IGHMBP2: variants seen among roughly 807,000 people sequenced by gnomAD.
The protein encoded by IGHMBP2 is DNA-binding protein SMUBP-2.
In IGHMBP2, 81 loss-of-function variants were observed where a neutral mutation model predicts 96.0. The observed-to-expected ratio is 0.84, with a 90% CI of 0.71 to 1.01. The LOEUF is 1.01. Among genes scored for constraint, IGHMBP2 ranks in the 50% least tolerant of loss-of-function variants. The pLI is 0.00. For missense variants in IGHMBP2, 1,227 were observed against 1,306.3 expected, an observed-to-expected ratio of 0.94 and a Z score of 0.94; for synonymous variants, 557 against 548.9, an observed-to-expected ratio of 1.01 and a Z score of -0.21.
In IGHMBP2 at chr11:68,917,770, A is replaced by G. The variant is rs1323805346; in HGVS notation, c.947A>G (p.Lys316Arg). Residue 316 changes from lysine to arginine, a missense_variant, in exon 7 of 15, where the codon AAA becomes AGA. Physicochemically the swap from Lys to Arg is conservative, Grantham distance 26 (BLOSUM62 2). This residue lies in a region of IGHMBP2 where 507 missense variants were observed against 496.9 expected (regional missense o/e 1.02). Transcript: ENST00000255078. ...KNKKTQDKRE[K>R]SNFRNEIKLL... Reference sequence around the variant, plus strand: ...AAAAAGACCCAGGATAAGAGAGAGAAAAGTAATTTTCGAAATGAAATTAAG... The same window carrying G: ...AAAAAGACCCAGGATAAGAGAGAGAGAAGTAATTTTCGAAATGAAATTAAG... The G allele has an allele frequency of 3.1e-6, 5 of 1,613,188 alleles. No homozygotes were observed. Among genetic ancestry groups the G allele is most frequent in the Non-Finnish European group, 4.2e-6 (5 of 1,179,280 alleles).
At chr11:68,930,606 T>G (rs1040745851) in intron 8 of IGHMBP2, 2 of 821,460 alleles carry the variant, frequency 2.4e-6, no homozygotes, top group Non-Finnish European at 2.9e-6. Flanking sequence ...ATCTCTGGGG[T>G]GTTGATTTTT....
intron 8 of IGHMBP2, chr11:68,930,513 GA>G (rs1361658897): frequency 1.6e-6 from 2 of 1,267,810 alleles, no homozygotes; most frequent in Non-Finnish European, 2.1e-6. Flanking sequence ...GATGGTGGAA[GA>G]AAGAGGAGTG....
At position 68,914,888 on chromosome 11, in the gene IGHMBP2, G is replaced by A; in HGVS notation, c.777G>A (p.Lys259=). 1 of 1,614,256 alleles carries A rather than the reference G, an allele frequency of 6.2e-7. No individual in the cohort carries two copies. Among genetic ancestry groups the A allele is most frequent in the Non-Finnish European group, 8.5e-7 (1 of 1,180,040 alleles). Residue 259 remains lysine (K), a synonymous_variant, in exon 6 of 15, where the codon AAG becomes AAA. Coordinates refer to ENST00000255078, the MANE Select transcript of IGHMBP2 (RefSeq NM_002180.3). ...DNLVERLALC[K]QRILRLGHPA... is the part of the protein sequence containing the mutation. The stretch of plus-strand genomic sequence containing the variant: ...TGGTGGAGCGCCTGGCTCTGTGTAA[G>A]CAGCGGATTCTGCGCCTGGGACACC...
Position 68,903,961 on chromosome 11 carries a change from G to C in IGHMBP2, c.9G>C (p.Ser3=). 1 of 1,563,026 alleles carries C rather than the reference G, an allele frequency of 6.4e-7. No homozygotes were observed. Among genetic ancestry groups the C allele is most frequent in the Non-Finnish European group, 8.7e-7 (1 of 1,153,848 alleles). Residue 3 remains serine, a synonymous_variant, in exon 1 of 15, where the codon TCG becomes TCC. Coordinates refer to ENST00000255078, the MANE Select transcript of IGHMBP2 (RefSeq NM_002180.3). Reference sequence around the variant, plus strand: ...CCAGGCCGGCGGCGGCGATGGCCTCGGCAGCTGTGGAGAGCTTCGTGACCA... The same window carrying C: ...CCAGGCCGGCGGCGGCGATGGCCTCCGCAGCTGTGGAGAGCTTCGTGACCA... MA[S]AAVESFVTKQ...
intron 8 of IGHMBP2, chr11:68,930,309 C>T: frequency 7.8e-7 from 1 of 1,289,512 alleles, no homozygotes; most frequent in Non-Finnish European, 1.0e-6. Flanking sequence ...CTCTGTTTCA[C>T]TGTGGGTGTG....
At chr11:68,916,287 C>T (rs1474057604) in intron 6 of IGHMBP2, among the ~76,000 whole-genome samples, 1 of 152,174 alleles carries the variant, frequency 6.6e-6, no homozygotes. Context: ...AATTGGCATC[C>T]TCCTAGAGCT....
chr11:68,916,975 C>CTTTTTTTTTT (rs11418103), intron 6 of IGHMBP2, among the ~76,000 whole-genome samples: 1 of 103,348 alleles, frequency 9.7e-6, no homozygotes, highest in Non-Finnish European at 1.8e-5. Flanking sequence ...AAGGTTACAT[C>CTTTTTTTTTT]TTTTTTTTTT....
intron 6 of IGHMBP2, 76 bp downstream of exon 6, chr11:68,915,099 T>C: frequency 8.7e-7 from 1 of 1,144,016 alleles, no homozygotes; most frequent in Non-Finnish European, 1.3e-6. Flanking sequence ...AATTTATCTG[T>C]CTGCATTCCT....
At chr11:68,935,083 G>A (rs1228081681) in intron 11 of IGHMBP2, among the ~76,000 whole-genome samples, 1 of 152,244 alleles carries the variant, frequency 6.6e-6, no homozygotes, top group Non-Finnish European at 1.5e-5. Flanking sequence ...TAAGCCAAAA[G>A]AAATGATCAA....
intron 11 of IGHMBP2, 47 bp downstream of exon 11, chr11:68,934,605 A>G (rs1859453876): frequency 7.2e-7 from 1 of 1,386,406 alleles, no homozygotes; most frequent in South Asian, 1.2e-5. Context: ...TGGGGCTCAC[A>G]CAACCTAGAG....
chr11:68,929,289 G>C lies in IGHMBP2; in HGVS notation c.1167G>C (p.Leu389=), dbSNP rs369809006. 60 of 1,613,700 alleles carry C rather than the reference G, an allele frequency of 3.7e-5. No homozygotes were observed. Among genetic ancestry groups the C allele is most frequent in the Non-Finnish European group, 4.9e-5 (58 of 1,180,030 alleles). The change falls in exon 8 of 15, where the codon CTG becomes CTC. Residue 389 remains leucine, a synonymous_variant. Coordinates refer to ENST00000255078, the MANE Select transcript of IGHMBP2 (RefSeq NM_002180.3). ...QALEASCWIP[L]LKARKCILAG... ...TCGAGGCGAGCTGCTGGATCCCCCT[G>C]CTGAAGGCCAGAAAGTGCATCCTGG...
chr11:68,929,906 G>A (rs1859210998), intron 8 of IGHMBP2: 1 of 976,004 alleles, frequency 1.0e-6, no homozygotes, highest in Non-Finnish European at 1.2e-6. Context: ...TCCTGGTGGA[G>A]ACACTGGAGC....
In IGHMBP2 at chr11:68,906,194, G is replaced by T. The variant is rs766757770; in HGVS notation, c.212G>T (p.Arg71Leu). ...GRLLVTFEPR[R>L]YGSAAALPSN... is the part of the protein sequence containing the mutation. ...CTGCTGGTCACCTTTGAGCCCAGGC[G>T]ATACGGGTCCGCGGCAGCTCTTCCC... The change falls in exon 2 of 15, where the codon CGA becomes CTA. Residue 71 changes from arginine (R) to leucine (L), a missense_variant. Arg to Leu is a moderately radical substitution (Grantham distance 102, BLOSUM62 -2). Around this residue, in one of 3 missense-constraint regions of IGHMBP2, gnomAD observed 507 missense variants for 496.9 expected, o/e 1.02. Coordinates refer to ENST00000255078, the MANE Select transcript of IGHMBP2 (RefSeq NM_002180.3). 38 of 1,614,032 alleles carry T rather than the reference G, an allele frequency of 2.4e-5. No homozygotes were observed. Among genetic ancestry groups the T allele is most frequent in the Non-Finnish European group, 3.0e-5 (35 of 1,180,052 alleles).
chr11:68,917,105 C>G (rs1319528773), intron 6 of IGHMBP2, among the ~76,000 whole-genome samples: 1 of 151,202 alleles, frequency 6.6e-6, no homozygotes, highest in Admixed American at 6.6e-5. Context: ...CTCAGCCTCC[C>G]GAGTAGCTGG....
chr11:68,908,884 A>G (rs1262762425), intron 4 of IGHMBP2, among the ~76,000 whole-genome samples: 1 of 138,964 alleles, frequency 7.2e-6, no homozygotes, highest in Non-Finnish European at 1.5e-5. Flanking sequence ...TCTGTTGCCC[A>G]GGCTGGAGTG....
Position 68,914,890 on chromosome 11 carries a change from A to G in IGHMBP2, c.779A>G (p.Gln260Arg). The change falls in exon 6 of 15, where the codon CAG (glutamine) becomes CGG (arginine). Residue 260 changes from glutamine to arginine, a missense_variant. Around this residue, in one of 3 missense-constraint regions of IGHMBP2, gnomAD observed 507 missense variants for 496.9 expected, o/e 1.02. Transcript: ENST00000255078. ...NLVERLALCK[Q>R]RILRLGHPAR... ...GTGGAGCGCCTGGCTCTGTGTAAGC[A>G]GCGGATTCTGCGCCTGGGACACCCT... 6.2e-7 allele frequency: 1 copy of G among 1,614,234 alleles called. No individual in the cohort carries two copies. Among genetic ancestry groups the G allele is most frequent in the Non-Finnish European group, 8.5e-7 (1 of 1,180,036 alleles).
Position 68,929,396 on chromosome 11 carries a change from G to A in IGHMBP2, c.1235+39G>A, listed in dbSNP as rs762338101. The A allele has an allele frequency of 3.2e-5, 50 of 1,577,964 alleles. No homozygotes were observed. In the Admixed American group the frequency reaches 4.9e-4, roughly 15 times the overall value. ...GCCTCACATGCCCTTCTCTGCCCCC[G>A]CCCTCCTGCGGTCCTTCCACGCTCA... On this transcript the variant is annotated intron_variant, in intron 8 of 14. Transcript: ENST00000255078.
At chr11:68,939,035 G>A (rs932511404) in intron 14 of IGHMBP2, among the ~76,000 whole-genome samples, 9 of 152,126 alleles carry the variant, frequency 5.9e-5, no homozygotes, top group African/African-American at 1.9e-4. Context: ...GATGGCGGGT[G>A]GGCAGGCAGG....
At chr11:68,933,540 C>A in intron 9 of IGHMBP2, 59 bp downstream of exon 9, 2 of 1,538,182 alleles carry the variant, frequency 1.3e-6, no homozygotes, top group South Asian at 1.2e-5. Flanking sequence ...TCCTCTGCGT[C>A]ACCTGTTTCT....
Sources: allele counts gnomAD v4.1 joint callset (sites outside exome capture counted in the v4.1 genomes callset), GRCh38; gene constraint gnomAD v4.1.1; regional missense constraint gnomAD v4.1.1; transcripts MANE v1.5; gene names NCBI Gene and HGNC (gene_info 2026-07-23, HGNC 2026-07-21).